Variants in UBE2E2 observed in about 807,000 individuals in gnomAD.
UBE2E2 encodes ubiquitin conjugating enzyme E2 E2.
Under a neutral mutation model 24.7 loss-of-function variants are expected in UBE2E2, and 6 were observed. That is an observed-to-expected ratio of 0.24 (90% CI 0.13 to 0.48). The LOEUF (loss-of-function observed/expected upper bound fraction) is 0.48, where lower values mean the gene tolerates loss of function less well. Ranked by LOEUF, UBE2E2 falls within the 20% of genes least tolerant of loss-of-function variation. UBE2E2 has a pLI of 0.99. For missense variants in UBE2E2, 169 were observed against 245.0 expected, an observed-to-expected ratio of 0.69 and a Z score of 2.07; for synonymous variants, 104 against 83.6, an observed-to-expected ratio of 1.24 and a Z score of -1.33.
intron 3 of UBE2E2, among the ~76,000 whole-genome samples, chr3:23,221,271 G>A (rs906638368): frequency 6.6e-6 from 1 of 152,140 alleles, no homozygotes; most frequent in Non-Finnish European, 1.5e-5. Flanking sequence ...CACTGGCGCT[G>A]CTTTTTAATT....
intron 1 of UBE2E2, among the ~76,000 whole-genome samples, chr3:23,203,695 C>A (rs1011343684): frequency 2.1e-5 from 3 of 140,980 alleles, no homozygotes; most frequent in Admixed American, 1.4e-4. Flanking sequence ...CCCATCCCCC[C>A]CTTCTGCCTC....
intron 3 of UBE2E2, among the ~76,000 whole-genome samples, chr3:23,439,302 A>G (rs1698246037): frequency 6.6e-6 from 1 of 152,246 alleles, no homozygotes; most frequent in Admixed American, 6.5e-5. Context: ...ACTGGCCATC[A>G]CATAGGGTTA....
At chr3:23,503,498 C>G (rs1215789865) in intron 4 of UBE2E2, among the ~76,000 whole-genome samples, 1 of 151,954 alleles carries the variant, frequency 6.6e-6, no homozygotes, top group African/African-American at 2.4e-5. Context: ...CCAGAAGTTC[C>G]TTTACATTTT....
intron 3 of UBE2E2, among the ~76,000 whole-genome samples, chr3:23,266,567 C>T (rs546100019): frequency 6.6e-6 from 1 of 151,922 alleles, no homozygotes; most frequent in African/African-American, 2.4e-5. Flanking sequence ...CTCTGGCTGC[C>T]CTTAACATTT....
chr3:23,506,253 A>G (rs1364068321), intron 4 of UBE2E2, among the ~76,000 whole-genome samples: 1 of 152,220 alleles, frequency 6.6e-6, no homozygotes, highest in Non-Finnish European at 1.5e-5. Context: ...GTTCTTTCTT[A>G]CATTTTGAAT....
chr3:23,490,766 T>G (rs771236776), intron 3 of UBE2E2, among the ~76,000 whole-genome samples: 1 of 152,186 alleles, frequency 6.6e-6, no homozygotes, highest in Non-Finnish European at 1.5e-5. Context: ...AAAATATTCT[T>G]TTTCTTCTAT....
At chr3:23,463,403 C>T (rs1345984847) in intron 3 of UBE2E2, among the ~76,000 whole-genome samples, 1 of 152,006 alleles carries the variant, frequency 6.6e-6, no homozygotes, top group Non-Finnish European at 1.5e-5. Flanking sequence ...TAACTTCTCA[C>T]GTCAAAGAAA....
At chr3:23,353,408 A>C (rs576643114) in intron 3 of UBE2E2, among the ~76,000 whole-genome samples, 4 of 152,076 alleles carry the variant, frequency 2.6e-5, no homozygotes, top group Non-Finnish European at 4.4e-5. Context: ...GGAGAAGGAA[A>C]TAAAGGGTAT....
chr3:23,402,068 G>A (rs1279238188), intron 3 of UBE2E2, among the ~76,000 whole-genome samples: 1 of 151,796 alleles, frequency 6.6e-6, no homozygotes, highest in African/African-American at 2.4e-5. Context: ...TGTTGGCCAG[G>A]CTGGTATAGA....
At chr3:23,410,404 C>T (rs1436368585) in intron 3 of UBE2E2, among the ~76,000 whole-genome samples, 12 of 152,014 alleles carry the variant, frequency 7.9e-5, no homozygotes, top group Non-Finnish European at 1.5e-5. Context: ...AGCCTTAGAG[C>T]ACATACTCTC....
At chr3:23,257,321 A>C (rs1017596155) in intron 3 of UBE2E2, among the ~76,000 whole-genome samples, 4 of 152,046 alleles carry the variant, frequency 2.6e-5, no homozygotes, top group African/African-American at 9.7e-5. Context: ...CTAGCTCTTC[A>C]CTGGTTCCTT....
At chr3:23,347,749 G>C (rs4858509) in intron 3 of UBE2E2, among the ~76,000 whole-genome samples, 78,362 of 151,708 alleles carry the variant, frequency 0.52, 20,448 homozygotes, top group Admixed American at 0.6. Context: ...GCTACAAAAG[G>C]GGACCCTTTT....
In UBE2E2 at chr3:23,583,478, A is replaced by T. The variant is rs1416624141; in HGVS notation, c.509-6256A>T. ...TAGTTCTGTGAAGAATGTCATTGGTAGTTTGATAGAAATAGCGTTGCACCT... is the reference window on the plus strand; with the variant it reads ...TAGTTCTGTGAAGAATGTCATTGGTTGTTTGATAGAAATAGCGTTGCACCT... On this transcript the variant is annotated intron_variant, in intron 5 of 5. Coordinates refer to ENST00000396703, the MANE Select transcript of UBE2E2 (RefSeq NM_152653.4). This position sits in a 1 kb window ranked among gnomAD's most constrained non-coding sequence, Gnocchi z 4.1. Among the ~76,000 whole-genome samples the T allele has an allele frequency of 3.3e-5, 5 of 152,318 alleles. No individual in the cohort carries two copies. The highest frequency in any genetic ancestry group is 3.3e-4 in the Admixed American group (5 of 15,296).
In UBE2E2 at chr3:23,269,067, G is replaced by A. The variant is rs554427282; in HGVS notation, c.227+51755G>A. 9.8e-4 allele frequency among the ~76,000 whole-genome samples: 149 copies of A among 152,082 alleles called. 3 individuals carry two copies. In the South Asian group the frequency reaches 0.031, roughly 31 times the overall value. On this transcript the variant is annotated intron_variant, in intron 3 of 5. Transcript: ENST00000396703. ...AAAAATTAATTCAAGATGGATTAGAGACTTAAACGTTAGACCTAAAACCAT... is the reference window on the plus strand; with the variant it reads ...AAAAATTAATTCAAGATGGATTAGAAACTTAAACGTTAGACCTAAAACCAT...
chr3:23,278,792 G>T (rs1698424013), intron 3 of UBE2E2, among the ~76,000 whole-genome samples: 2 of 152,052 alleles, frequency 1.3e-5, no homozygotes, highest in South Asian at 4.1e-4. Flanking sequence ...ATTGATTCAT[G>T]GTAGAATTCA....
At chr3:23,264,547 C>T (rs1272748935) in intron 3 of UBE2E2, among the ~76,000 whole-genome samples, 1 of 152,070 alleles carries the variant, frequency 6.6e-6, no homozygotes, top group African/African-American at 2.4e-5. Flanking sequence ...GGGACTGCCT[C>T]TTTTGATCCC....
At chr3:23,332,663 G>T (rs1445739874) in intron 3 of UBE2E2, among the ~76,000 whole-genome samples, 1 of 108,744 alleles carries the variant, frequency 9.2e-6, no homozygotes, top group Non-Finnish European at 2.0e-5. Context: ...GAGCTTCCTG[G>T]CAGCCAGTGG....
At chr3:23,363,753 C>G (rs1696186751) in intron 3 of UBE2E2, among the ~76,000 whole-genome samples, 1 of 152,054 alleles carries the variant, frequency 6.6e-6, no homozygotes, top group Non-Finnish European at 1.5e-5. Flanking sequence ...AGAAAACTAA[C>G]AAAGATATTC....
chr3:23,260,413 G>C (rs1182556416), intron 3 of UBE2E2, among the ~76,000 whole-genome samples: 4 of 152,132 alleles, frequency 2.6e-5, no homozygotes, highest in Non-Finnish European at 5.9e-5. Context: ...TGTAGGATAT[G>C]GAAATGATAC....
Sources: allele counts gnomAD v4.1 joint callset (sites outside exome capture counted in the v4.1 genomes callset), GRCh38; gene constraint gnomAD v4.1.1; non-coding constraint Gnocchi (gnomAD v3.1); transcripts MANE v1.5; gene names NCBI Gene and HGNC (gene_info 2026-07-23, HGNC 2026-07-21).